The following PTPRT variants were observed in gnomAD, a reference collection of about 807,000 sequenced individuals.
The protein encoded by PTPRT is protein tyrosine phosphatase receptor type T.
A neutral mutation model predicts 176.8 loss-of-function variants in PTPRT; 56 were observed. The observed-to-expected ratio is 0.32, with a 90% CI of 0.26 to 0.40. PTPRT has a LOEUF of 0.40. PTPRT is among the 10% of genes least tolerant of loss of function. The pLI is 1.00. For synonymous variants in PTPRT, 783 were observed against 739.0 expected (o/e 1.06, Z -0.96); for missense variants, 1,540 against 1,908.2 (o/e 0.81, Z 3.60).
At chr20:42,666,327 T>A (rs1015667811) in intron 7 of PTPRT, among the ~76,000 whole-genome samples, 1 of 152,058 alleles carries the variant, frequency 6.6e-6, no homozygotes, top group African/African-American at 2.4e-5. Context: ...TGTGAAAGGG[T>A]TTATGTTTCA....
At chr20:42,536,506 C>A (rs1256813951) in intron 7 of PTPRT, among the ~76,000 whole-genome samples, 1 of 152,142 alleles carries the variant, frequency 6.6e-6, no homozygotes, top group Non-Finnish European at 1.5e-5. Context: ...TCAGGAGATA[C>A]CTGCATTCCT....
intron 1 of PTPRT, among the ~76,000 whole-genome samples, chr20:43,099,935 C>T (rs183243773): frequency 6.6e-6 from 1 of 152,106 alleles, no homozygotes; most frequent in Non-Finnish European, 1.5e-5. Flanking sequence ...TTGGGAGCTC[C>T]CACAGACCTC....
rs1197358452 is a variant in PTPRT, at chr20:43,129,166, G to C, written c.88+60480C>G. Among the ~76,000 whole-genome samples, 3 of 152,150 alleles carry C rather than the reference G, an allele frequency of 2.0e-5. No homozygotes were observed. The East Asian group carries it at 5.8e-4, about 29-fold the overall frequency. On this transcript the variant is annotated intron_variant, in intron 1 of 30. Coordinates refer to ENST00000373187, the MANE Select transcript of PTPRT (RefSeq NM_007050.6). ...GTTTTAGAGCCTGACTCTGCCCAAG[G>C]GGGTGTAGGGGGCATAGAGGCCGAG...
intron 21 of PTPRT, chr20:42,116,223 C>A: frequency 1.6e-6 from 1 of 625,520 alleles, no homozygotes; most frequent in Non-Finnish European, 2.9e-6. Context: ...GACTATTCAG[C>A]TTCTTTCTCA....
intron 2 of PTPRT, among the ~76,000 whole-genome samples, chr20:42,815,239 A>G (rs2077762972): frequency 6.6e-6 from 1 of 152,164 alleles, no homozygotes; most frequent in Non-Finnish European, 1.5e-5. Context: ...TATGGGATCT[A>G]CTGAATTATT....
chr20:42,785,247 G>T (rs1009899775), intron 3 of PTPRT, among the ~76,000 whole-genome samples: 7 of 152,222 alleles, frequency 4.6e-5, no homozygotes, highest in African/African-American at 1.7e-4. Context: ...CTTGCCAAAA[G>T]TCTGGTGCCA....
intron 1 of PTPRT, among the ~76,000 whole-genome samples, chr20:43,069,953 C>T (rs1179520483): frequency 6.6e-6 from 1 of 152,164 alleles, no homozygotes; most frequent in Non-Finnish European, 1.5e-5. Flanking sequence ...AAGGCAGGTG[C>T]TTCAAGCTAA....
In PTPRT at chr20:42,662,725, T is replaced by A. The variant is rs550864137; in HGVS notation, c.1153+15141A>T. 2.0e-5 allele frequency among the ~76,000 whole-genome samples: 3 copies of A among 152,322 alleles called. No homozygotes were observed. The East Asian group carries it at 5.8e-4, about 29-fold the overall frequency. On this transcript the variant is annotated intron_variant, in intron 7 of 30. Coordinates refer to ENST00000373187, the MANE Select transcript of PTPRT (RefSeq NM_007050.6). ...ACTGAAAGCAAACCCCCTATTTAAC[T>A]GTCCCTTACTCTATTTGAACACTGA...
At chr20:42,854,853 C>A (rs185120548) in intron 2 of PTPRT, among the ~76,000 whole-genome samples, 4 of 152,292 alleles carry the variant, frequency 2.6e-5, no homozygotes, top group Non-Finnish European at 4.4e-5. Context: ...TATACCAGCA[C>A]CACCAACAGC....
chr20:42,518,903 T>C (rs1406275209), intron 7 of PTPRT, among the ~76,000 whole-genome samples: 1 of 152,150 alleles, frequency 6.6e-6, no homozygotes, highest in Non-Finnish European at 1.5e-5. Context: ...TTATTTATTT[T>C]CCCTGAAATT....
chr20:43,143,890 C>G (rs180880958), intron 1 of PTPRT, among the ~76,000 whole-genome samples: 1 of 152,270 alleles, frequency 6.6e-6, no homozygotes, highest in African/African-American at 2.4e-5. Context: ...TCCCACCTAA[C>G]GCATGAGTGC....
chr20:42,165,070 G>C (rs966297395), intron 16 of PTPRT, among the ~76,000 whole-genome samples: 1 of 152,100 alleles, frequency 6.6e-6, no homozygotes, highest in Non-Finnish European at 1.5e-5. Flanking sequence ...GGATTTTGGT[G>C]CTGTGTATGA....
chr20:42,553,610 C>G (rs1346100519), intron 7 of PTPRT, among the ~76,000 whole-genome samples: 3 of 152,074 alleles, frequency 2.0e-5, no homozygotes. Context: ...CTTACACATA[C>G]TTTTACTTGA....
intron 6 of PTPRT, among the ~76,000 whole-genome samples, chr20:42,682,705 A>G (rs528657578): frequency 1.3e-5 from 2 of 152,324 alleles, no homozygotes; most frequent in South Asian, 4.1e-4. Flanking sequence ...GAGGACAAGG[A>G]TGCCAGGAGC....
chr20:43,119,544 G>A (rs1366546785), intron 1 of PTPRT, among the ~76,000 whole-genome samples: 2 of 152,136 alleles, frequency 1.3e-5, no homozygotes, highest in Non-Finnish European at 2.9e-5. Context: ...AGATTATACT[G>A]GTGTTTAGAA....
At chr20:43,099,316 A>C (rs542485881) in intron 1 of PTPRT, among the ~76,000 whole-genome samples, 13 of 152,146 alleles carry the variant, frequency 8.5e-5, no homozygotes, top group Non-Finnish European at 1.8e-4. Flanking sequence ...TGTAATAAGT[A>C]AGTCAGGAAT....
intron 6 of PTPRT, among the ~76,000 whole-genome samples, chr20:42,739,320 A>G (rs1205728407): frequency 6.6e-6 from 1 of 152,056 alleles, no homozygotes; most frequent in Non-Finnish European, 1.5e-5. Flanking sequence ...ACAGGGAATG[A>G]GAAGGAAGGG....
chr20:42,060,050 T>A, the PTPRT span, among the ~76,000 whole-genome samples: 1 of 152,190 alleles, frequency 6.6e-6, no homozygotes, highest in African/African-American at 2.4e-5. Context: ...AAAGCATCTT[T>A]ACAGTCTTGT....
chr20:43,043,977 T>C (rs145047821), intron 1 of PTPRT, among the ~76,000 whole-genome samples: 67 of 152,138 alleles, frequency 4.4e-4, no homozygotes, highest in African/African-American at 1.5e-3. Flanking sequence ...GTCTGGTCTC[T>C]TGTGATGCTG....
Sources: gnomAD v4.1 joint callset for allele counts (sites outside exome capture counted in the v4.1 genomes callset) on GRCh38, gnomAD v4.1.1 for gene constraint, MANE v1.5 for transcripts, NCBI Gene and HGNC (gene_info 2026-07-23, HGNC 2026-07-21) for gene names.